Variants in EN2 observed in about 807,000 individuals in gnomAD.
The protein encoded by EN2 is engrailed homeobox 2.
A neutral mutation model predicts 25.0 loss-of-function variants in EN2; 7 were observed. The observed-to-expected ratio is 0.28, with a 90% CI of 0.16 to 0.53. The LOEUF is 0.53. Among genes scored for constraint, EN2 ranks in the 20% least tolerant of loss-of-function variants. The probability of loss-of-function intolerance (pLI) is 0.96; values close to 1 mark genes in which losing one functional copy is unlikely to be tolerated. For synonymous variants in EN2, 277 were observed against 243.3 expected, an observed-to-expected ratio of 1.14 and a Z score of -1.29; for missense variants, 524 against 501.8, an observed-to-expected ratio of 1.04 and a Z score of -0.42.
chr7:155,463,512 C>T lies in EN2; in HGVS notation c.*825C>T, dbSNP rs3808326. 0.22 allele frequency: 32,686 copies of T among 150,524 alleles called. 4,079 individuals are homozygous for T. Among genetic ancestry groups the T allele is most frequent in the African/African-American group, 0.35 (13,803 of 39,330 alleles). 9.3% of individuals were successfully genotyped at this position (150,524 alleles called of 1,614,324 possible). A position where few individuals can be genotyped will look rare whatever the true frequency, so the allele number is the denominator to read the frequency against. On this transcript the variant is annotated 3_prime_UTR_variant, in exon 2 of 2. Transcript: ENST00000297375. The stretch of plus-strand genomic sequence containing the variant: ...TTCCTTCCTCCTCCTCCTTCTCTTT[C>T]CTCCTCCTCCTCACCAAGGGCCCAA...
Position 155,458,577 on chromosome 7 carries a change from C to A in EN2, c.200C>A (p.Thr67Asn). The A allele has an allele frequency of 6.8e-7, 1 of 1,476,820 alleles. No individual in the cohort carries two copies. Among genetic ancestry groups the A allele is most frequent in the East Asian group, 2.9e-5 (1 of 34,396 alleles). The allele number at this position is 1,476,820 out of a possible 1,614,324, so 91.5% of individuals were successfully genotyped here. The change falls in exon 1 of 2, where the codon ACC becomes AAC. Residue 67 changes from threonine (T) to asparagine (N), a missense_variant. Physicochemically the swap from Thr to Asn is moderately conservative, Grantham distance 65 (BLOSUM62 0). Transcript: ENST00000297375. ...PGNHQHPHRI[T>N]NFFIDNILRP... ...AACCACCAGCACCCGCACCGCATCACCAACTTCTTCATCGACAACATCCTG... is the reference window on the plus strand; with the variant it reads ...AACCACCAGCACCCGCACCGCATCAACAACTTCTTCATCGACAACATCCTG...
intron 1 of EN2, among the ~76,000 whole-genome samples, chr7:155,460,568 G>A (rs1230901541): frequency 5.3e-5 from 8 of 152,116 alleles, no homozygotes; most frequent in Non-Finnish European, 1.0e-4. Flanking sequence ...GTCCTTTTGC[G>A]GGCTGCTTCA....
At position 155,458,698 on chromosome 7, in the gene EN2, C is replaced by T; in HGVS notation, c.321C>T (p.Ser107=). The part of the protein sequence containing the change: ...GGGAGGEGGA[S]GAEGGGGAGG... ...GAGCCGGCGGCGAAGGCGGCGCGAG[C>T]GGTGCGGAGGGAGGCGGCGGCGCGG... Residue 107 remains serine (S), a synonymous_variant, in exon 1 of 2, where the codon AGC becomes AGT. Coordinates refer to ENST00000297375, the MANE Select transcript of EN2 (RefSeq NM_001427.4). 1 of 1,336,546 alleles carries T rather than the reference C, an allele frequency of 7.5e-7. No individual in the cohort carries two copies. The allele number at this position is 1,336,546 out of a possible 1,614,324, so 82.8% of individuals were successfully genotyped here.
At position 155,462,425 on chromosome 7, in the gene EN2, C is replaced by T. The variant is rs769119430; in HGVS notation, c.740C>T (p.Pro247Leu). The change falls in exon 2 of 2, where the codon CCG becomes CTG. Residue 247 changes from proline to leucine, a missense_variant. Coordinates refer to ENST00000297375, the MANE Select transcript of EN2 (RefSeq NM_001427.4). ...KKNPNKEDKR[P>L]RTAFTAEQLQ... ...AACCCGAACAAAGAGGACAAGCGGC[C>T]GCGCACGGCCTTTACCGCCGAGCAG... The T allele has an allele frequency of 5.0e-6, 8 of 1,613,838 alleles. No individual in the cohort carries two copies. The highest frequency in any genetic ancestry group is 3.3e-5 in the South Asian group (3 of 91,068).
chr7:155,458,945 G>C lies in EN2; in HGVS notation c.568G>C (p.Asp190His). Reference protein sequence around the residue: ...SLKARGLGGGDLSVSSDSDSS... With the variant: ...SLKARGLGGGHLSVSSDSDSS... ...CAAGGCCCGCGGCTTGGGCGGCGGC[G>C]ACCTGTCGGTGAGCTCGGACTCGGA... The change falls in exon 1 of 2, where the codon GAC (aspartate) becomes CAC (histidine). Residue 190 changes from aspartate (D) to histidine (H), a missense_variant. Asp to His is a moderately conservative substitution (Grantham distance 81, BLOSUM62 -1). Transcript: ENST00000297375. 6.6e-7 allele frequency: 1 copy of C among 1,521,950 alleles called. No individual in the cohort carries two copies. 94.3% of individuals were successfully genotyped at this position (1,521,950 alleles called of 1,614,324 possible). A position where few individuals can be genotyped will look rare whatever the true frequency, so the allele number is the denominator to read the frequency against.
chr7:155,461,469 C>T (rs1795696305), intron 1 of EN2, among the ~76,000 whole-genome samples: 1 of 152,220 alleles, frequency 6.6e-6, no homozygotes, highest in South Asian at 2.1e-4. Flanking sequence ...TGGGGCAGGT[C>T]CACAGGGAGA....
At chr7:155,461,969 G>C (rs1224205120) in intron 1 of EN2, among the ~76,000 whole-genome samples, 1 of 152,146 alleles carries the variant, frequency 6.6e-6, no homozygotes, top group East Asian at 1.9e-4. Context: ...GCCTTTCCCA[G>C]TCTTCTCTCC....
At chr7:155,459,550 G>T (rs893054698) in intron 1 of EN2, among the ~76,000 whole-genome samples, 1 of 152,238 alleles carries the variant, frequency 6.6e-6, no homozygotes, top group African/African-American at 2.4e-5. Flanking sequence ...CCTACCATCC[G>T]GTTATCCCGG....
Position 155,458,425 on chromosome 7 carries a change from G to C in EN2, c.48G>C (p.Glu16Asp). The C allele has an allele frequency of 7.7e-7, 1 of 1,304,640 alleles. No individual in the cohort carries two copies. The highest frequency in any genetic ancestry group is 9.7e-7 in the Non-Finnish European group (1 of 1,026,090). 80.8% of individuals were successfully genotyped at this position (1,304,640 alleles called of 1,614,324 possible). The change falls in exon 1 of 2, where the codon GAG (glutamate) becomes GAC (aspartate). Residue 16 changes from glutamate to aspartate, a missense_variant. By Grantham distance (45) the Glu-to-Asp change is conservative. Coordinates refer to ENST00000297375, the MANE Select transcript of EN2 (RefSeq NM_001427.4). ...PKPGEAAAAV[E>D]GQRQPESSPG... ...CTGGCGAAGCAGCGGCGGCGGTGGA[G>C]GGACAGCGGCAGCCGGAATCCAGCC...
Position 155,463,508 on chromosome 7 carries a change from C to A in EN2, c.*821C>A. On this transcript the variant is annotated 3_prime_UTR_variant, in exon 2 of 2. Transcript: ENST00000297375. ...CTCCTTCCTTCCTCCTCCTCCTTCTCTTTCCTCCTCCTCCTCACCAAGGGC... is the reference window on the plus strand; with the variant it reads ...CTCCTTCCTTCCTCCTCCTCCTTCTATTTCCTCCTCCTCCTCACCAAGGGC... 1 of 149,996 alleles carries A rather than the reference C, an allele frequency of 6.7e-6. No homozygotes were observed. The highest frequency in any genetic ancestry group is 2.0e-4 in the South Asian group (1 of 4,930). The allele number at this position is 149,996 out of a possible 1,614,324, so 9.3% of individuals were successfully genotyped here.
intron 1 of EN2, among the ~76,000 whole-genome samples, chr7:155,461,985 T>C (rs3808332): frequency 0.14 from 20,828 of 152,048 alleles, 1,550 homozygotes; most frequent in East Asian, 0.19. Context: ...TCTCCTCCCC[T>C]CTCTCTCAGC....
Position 155,459,197 on chromosome 7 carries a change from G to T in EN2, c.685+135G>T, listed in dbSNP as rs1011909359. 8 of 1,029,284 alleles carry T rather than the reference G, an allele frequency of 7.8e-6. No individual in the cohort carries two copies. The African/African-American group carries it at 1.4e-4, about 18-fold the overall frequency. The allele number at this position is 1,029,284 out of a possible 1,614,324, so 63.8% of individuals were successfully genotyped here. On this transcript the variant is annotated intron_variant, in intron 1 of 1. Transcript: ENST00000297375. The stretch of plus-strand genomic sequence containing the variant: ...CGCGCACACGCACAAAGACTCACGC[G>T]ACATTGTGTGAAGCTGACGCCGGCC...
At position 155,462,403 on chromosome 7, in the gene EN2, C is replaced by T; in HGVS notation, c.718C>T (p.Pro240Ser). The change falls in exon 2 of 2, where the codon CCG becomes TCG. Residue 240 changes from proline to serine, a missense_variant. Coordinates refer to ENST00000297375, the MANE Select transcript of EN2 (RefSeq NM_001427.4). Reference protein sequence around the residue: ...PRSRKPKKKNPNKEDKRPRTA... With the variant: ...PRSRKPKKKNSNKEDKRPRTA... ...GTCTCGAAAACCAAAGAAGAAGAAC[C>T]CGAACAAAGAGGACAAGCGGCCGCG... 1.2e-6 allele frequency: 2 copies of T among 1,612,098 alleles called. No individual in the cohort carries two copies. The highest frequency in any genetic ancestry group is 1.7e-5 in the Admixed American group (1 of 59,510).
At chr7:155,461,185 C>A (rs777712312) in intron 1 of EN2, among the ~76,000 whole-genome samples, 1 of 152,146 alleles carries the variant, frequency 6.6e-6, no homozygotes, top group Non-Finnish European at 1.5e-5. Flanking sequence ...GGGGGGCCCC[C>A]AGCCTTCTCC....
rs1000929808 is a variant in EN2 at position 155,462,999 on chromosome 7, A to T, written c.*312A>T. 1 of 219,944 alleles carries T rather than the reference A, an allele frequency of 4.5e-6. No individual in the cohort carries two copies. Among genetic ancestry groups the T allele is most frequent in the South Asian group, 1.6e-4 (1 of 6,118 alleles). 13.6% of individuals were successfully genotyped at this position (219,944 alleles called of 1,614,324 possible). On this transcript the variant is annotated 3_prime_UTR_variant, in exon 2 of 2. Coordinates refer to ENST00000297375, the MANE Select transcript of EN2 (RefSeq NM_001427.4). Reference sequence around the variant, plus strand: ...AATCCCCTAAGCTCCATTATATGACATTGGACACTTTTTTATTATTCCAAA... The same window carrying T: ...AATCCCCTAAGCTCCATTATATGACTTTGGACACTTTTTTATTATTCCAAA...
At chr7:155,462,155 C>A (rs527313546) in intron 1 of EN2, among the ~76,000 whole-genome samples, 1 of 152,200 alleles carries the variant, frequency 6.6e-6, no homozygotes, top group East Asian at 1.9e-4. Context: ...CCCCATAGTC[C>A]CACTTACATC....
In EN2 at chr7:155,459,000, C is replaced by T. The variant is rs1795664000; in HGVS notation, c.623C>T (p.Ala208Val). 6.4e-7 allele frequency: 1 copy of T among 1,565,412 alleles called. No homozygotes were observed. The highest frequency in any genetic ancestry group is 2.4e-5 in the East Asian group (1 of 41,380). Residue 208 changes from alanine to valine, a missense_variant, in exon 1 of 2, where the codon GCG becomes GTG. By Grantham distance (64) the Ala-to-Val change is moderately conservative (BLOSUM62 0). Transcript: ENST00000297375. ...DSSQAGANLG[A>V]QPMLWPAWVY... ...TCGCAAGCCGGCGCCAACCTGGGCG[C>T]GCAGCCCATGCTCTGGCCGGCGTGG...
In EN2 at chr7:155,464,152, T is replaced by G. The variant is rs1228316125; in HGVS notation, c.*1465T>G. The G allele has an allele frequency of 6.6e-6, 1 of 152,252 alleles. No individual in the cohort carries two copies. The highest frequency in any genetic ancestry group is 2.1e-4 in the South Asian group (1 of 4,836). The allele number at this position is 152,252 out of a possible 1,614,324, so 9.4% of individuals were successfully genotyped here. On this transcript the variant is annotated 3_prime_UTR_variant, in exon 2 of 2. Transcript: ENST00000297375. ...TTTCTTATCATCACTTTTTGTCTTT[T>G]CTTGTTTTTTAAAATATACATTTTA...
At position 155,458,335 on chromosome 7, in the gene EN2, A is replaced by C; in HGVS notation, c.-43A>C. 1 of 1,277,502 alleles carries C rather than the reference A, an allele frequency of 7.8e-7. No homozygotes were observed. The highest frequency in any genetic ancestry group is 1.0e-6 in the Non-Finnish European group (1 of 1,004,818). The allele number at this position is 1,277,502 out of a possible 1,614,324, so 79.1% of individuals were successfully genotyped here. A position where few individuals can be genotyped will look rare whatever the true frequency, so the allele number is the denominator to read the frequency against. On this transcript the variant is annotated 5_prime_UTR_variant, in exon 1 of 2. Transcript: ENST00000297375. ...CGGGAGGGCCGAAGGCTGATTTGGA[A>C]GGGCGTCCCCGGAGAACCAGTGTGG...
Sources: gnomAD v4.1 joint callset for allele counts (sites outside exome capture counted in the v4.1 genomes callset) on GRCh38, gnomAD v4.1.1 for gene constraint, MANE v1.5 for transcripts, NCBI Gene and HGNC (gene_info 2026-07-23, HGNC 2026-07-21) for gene names.